The following SRD5A2 variants were observed in gnomAD, a reference collection of about 807,000 sequenced individuals.
The protein encoded by SRD5A2 is 3-oxo-5-alpha-steroid 4-dehydrogenase 2.
SRD5A2 carries 30 observed loss-of-function variants against 27.4 expected under a neutral mutation model. The ratio of observed to expected loss-of-function variants is 1.10; its 90% CI spans 0.82 to 1.49. The LOEUF is 1.49. SRD5A2 is among the 40% of genes most tolerant of loss of function. The pLI is 0.00. For synonymous variants in SRD5A2, 141 were observed against 133.6 expected (o/e 1.06, Z -0.38); for missense variants, 348 against 323.4 (o/e 1.08, Z -0.58).
chr2:31,607,834 C>A, the SRD5A2 span, among the ~76,000 whole-genome samples: 2 of 151,930 alleles, frequency 1.3e-5, no homozygotes, highest in African/African-American at 4.8e-5. Flanking sequence ...CTCACCCCAC[C>A]CCAGTGTGAT....
At chr2:31,658,220 T>G in the SRD5A2 span, among the ~76,000 whole-genome samples, 1 of 152,094 alleles carries the variant, frequency 6.6e-6, no homozygotes, top group Non-Finnish European at 1.5e-5. Flanking sequence ...GGGACACAGC[T>G]AAAGCAGTGT....
chr2:31,595,998 C>T, the SRD5A2 span, among the ~76,000 whole-genome samples: 12 of 152,102 alleles, frequency 7.9e-5, no homozygotes, highest in African/African-American at 2.9e-4. Context: ...TTGACAAAAC[C>T]CAGCATCCCT....
intron 1 of SRD5A2, among the ~76,000 whole-genome samples, chr2:31,575,444 G>T (rs576386747): frequency 6.6e-6 from 1 of 152,110 alleles, no homozygotes; most frequent in African/African-American, 2.4e-5. Flanking sequence ...ATGCCTCATC[G>T]AAAGCCACAC....
At chr2:31,565,367 T>C (rs1453057984) in intron 1 of SRD5A2, among the ~76,000 whole-genome samples, 1 of 151,834 alleles carries the variant, frequency 6.6e-6, no homozygotes, top group Non-Finnish European at 1.5e-5. Flanking sequence ...ATATAAACAT[T>C]CTAATATCCC....
chr2:31,550,547 A>T (rs548218683), intron 1 of SRD5A2, among the ~76,000 whole-genome samples: 4 of 152,180 alleles, frequency 2.6e-5, no homozygotes, highest in African/African-American at 9.6e-5. Context: ...ATATAGCATG[A>T]CCAACTGGAG....
At chr2:31,528,902 C>A (rs1438528845) in intron 4 of SRD5A2, among the ~76,000 whole-genome samples, 2 of 152,324 alleles carry the variant, frequency 1.3e-5, no homozygotes, top group African/African-American at 2.4e-5. Context: ...ATGGAAGCGG[C>A]TTCTTCCGCT....
the SRD5A2 span, among the ~76,000 whole-genome samples, chr2:31,661,266 C>G: frequency 1.3e-5 from 2 of 152,144 alleles, no homozygotes; most frequent in Non-Finnish European, 2.9e-5. Context: ...CTCATTGAGT[C>G]TGAGTTAACA....
At chr2:31,602,753 T>C in the SRD5A2 span, among the ~76,000 whole-genome samples, 41 of 151,392 alleles carry the variant, frequency 2.7e-4, 2 homozygotes, top group South Asian at 8.6e-3. Flanking sequence ...AAATAAGACC[T>C]CACACCTACA....
the SRD5A2 span, among the ~76,000 whole-genome samples, chr2:31,656,968 T>C: frequency 6.6e-6 from 1 of 152,184 alleles, no homozygotes. Context: ...ATCTGAATAA[T>C]ACTTCTCAAA....
At chr2:31,613,362 C>T in the SRD5A2 span, among the ~76,000 whole-genome samples, 1 of 152,072 alleles carries the variant, frequency 6.6e-6, no homozygotes, top group African/African-American at 2.4e-5. Flanking sequence ...AGAGTCTGAA[C>T]AGACATTTCT....
the SRD5A2 span, among the ~76,000 whole-genome samples, chr2:31,598,769 C>A: frequency 6.6e-6 from 1 of 151,370 alleles, no homozygotes. Context: ...GAAGAGAACA[C>A]AAAACAAACA....
At chr2:31,662,740 C>A in the SRD5A2 span, among the ~76,000 whole-genome samples, 412 of 152,290 alleles carry the variant, frequency 2.7e-3, 2 homozygotes, top group Non-Finnish European at 4.6e-3. Context: ...TCCAATCACT[C>A]TCATTTGGCA....
intron 1 of SRD5A2, among the ~76,000 whole-genome samples, chr2:31,550,916 G>T (rs1261062345): frequency 1.3e-5 from 2 of 151,984 alleles, no homozygotes; most frequent in Middle Eastern, 3.4e-3. Flanking sequence ...GATTAGAAAA[G>T]GAGAAATAAA....
chr2:31,614,179 A>G, the SRD5A2 span, among the ~76,000 whole-genome samples: 1 of 151,888 alleles, frequency 6.6e-6, no homozygotes, highest in African/African-American at 2.4e-5. Context: ...AAGTCCCTTC[A>G]GCCTATGAGC....
chr2:31,642,322 G>T, the SRD5A2 span, among the ~76,000 whole-genome samples: 3 of 151,872 alleles, frequency 2.0e-5, no homozygotes, highest in Non-Finnish European at 4.4e-5. Context: ...CAATTTTTTT[G>T]ACCTTTCTGA....
the SRD5A2 span, among the ~76,000 whole-genome samples, chr2:31,606,697 A>G: frequency 2.6e-5 from 4 of 151,966 alleles, no homozygotes; most frequent in Admixed American, 1.3e-4. Context: ...TTCCCTTTGC[A>G]AAAGTCAGGC....
At chr2:31,571,714 T>C (rs1304042008) in intron 1 of SRD5A2, among the ~76,000 whole-genome samples, 1 of 152,142 alleles carries the variant, frequency 6.6e-6, no homozygotes, top group Non-Finnish European at 1.5e-5. Flanking sequence ...GCAAAGGACA[T>C]CAACAGATAC....
the SRD5A2 span, among the ~76,000 whole-genome samples, chr2:31,627,234 T>C: frequency 6.6e-6 from 1 of 152,192 alleles, no homozygotes; most frequent in Non-Finnish European, 1.5e-5. Context: ...TCTTCTAGGT[T>C]TTCTAGCTTG....
intron 1 of SRD5A2, among the ~76,000 whole-genome samples, chr2:31,562,246 G>A (rs1193501271): frequency 6.6e-6 from 1 of 151,840 alleles, no homozygotes. Context: ...AAATTTTTAT[G>A]TTTAATATTT....
Sources: gnomAD v4.1 joint callset for allele counts (sites outside exome capture counted in the v4.1 genomes callset) on GRCh38, gnomAD v4.1.1 for gene constraint, MANE v1.5 for transcripts, NCBI Gene and HGNC (gene_info 2026-07-23, HGNC 2026-07-21) for gene names.